KIAA2012: variants seen among roughly 807,000 people sequenced by gnomAD.
KIAA2012 encodes KIAA2012, also known as uncharacterized protein KIAA2012.
A neutral mutation model predicts 150.6 loss-of-function variants in KIAA2012; 125 were observed. The observed-to-expected ratio is 0.83, with a 90% CI of 0.72 to 0.96. The LOEUF is 0.96. KIAA2012 is among the 40% of genes least tolerant of loss of function. The pLI is 0.00. For synonymous variants in KIAA2012, 462 were observed against 504.7 expected, an observed-to-expected ratio of 0.92 and a Z score of 1.13; for missense variants, 1,219 against 1,354.9, an observed-to-expected ratio of 0.90 and a Z score of 1.57.
intron 12 of KIAA2012, among the ~76,000 whole-genome samples, chr2:202,131,288 C>T (rs1332565256): frequency 7.2e-5 from 11 of 151,950 alleles, no homozygotes; most frequent in African/African-American, 2.2e-4. Context: ...TACAGGCGCA[C>T]GCCACCACAC....
intron 7 of KIAA2012, among the ~76,000 whole-genome samples, 174 bp from the exon 8 acceptor site, chr2:202,102,772 C>G (rs1185427777): frequency 6.6e-6 from 1 of 152,162 alleles, no homozygotes; most frequent in Non-Finnish European, 1.5e-5. Context: ...TATGCTGGAT[C>G]CCAGGAGACC....
In KIAA2012 at chr2:202,184,754, C is replaced by A; in HGVS notation, c.2121C>A (p.Asp707Glu). Residue 707 changes from aspartate (D) to glutamate (E), a missense_variant and splice_region_variant, in exon 16 of 24, where the codon GAC (aspartate) becomes GAA (glutamate). Physicochemically the swap from Asp to Glu is conservative, Grantham distance 45. Coordinates refer to ENST00000498697, the MANE Select transcript of KIAA2012 (RefSeq NM_001277372.4). Reference protein sequence around the residue: ...PLRETHHNDQDPEPRSMTLDS... With the variant: ...PLRETHHNDQEPEPRSMTLDS... Reference sequence around the variant, plus strand: ...TTGATTGATACTCTGTTTTCACAGACCCAGAGCCAAGGAGTATGACCCTTG... The same window carrying A: ...TTGATTGATACTCTGTTTTCACAGAACCAGAGCCAAGGAGTATGACCCTTG... 6.5e-7 allele frequency: 1 copy of A among 1,535,808 alleles called. No homozygotes were observed. The highest frequency in any genetic ancestry group is 8.8e-7 in the Non-Finnish European group (1 of 1,142,376).
At chr2:202,182,446 T>G (rs1388647992) in intron 15 of KIAA2012, among the ~76,000 whole-genome samples, 2 of 152,142 alleles carry the variant, frequency 1.3e-5, no homozygotes, top group Non-Finnish European at 2.9e-5. Context: ...TTTCTTTCAC[T>G]CAACATAATT....
intron 11 of KIAA2012, among the ~76,000 whole-genome samples, chr2:202,118,362 T>C (rs2049195): frequency 0.77 from 116,992 of 152,112 alleles, 45,321 homozygotes; most frequent in South Asian, 0.82. Flanking sequence ...TTCCAGTGGG[T>C]GTTCCTGTAC....
At chr2:202,080,312 C>CTA (rs1689419271) in intron 2 of KIAA2012, among the ~76,000 whole-genome samples, 1 of 152,108 alleles carries the variant, frequency 6.6e-6, no homozygotes, top group Admixed American at 6.6e-5. Context: ...CTATAATAAG[C>CTA]TATATATATG....
At chr2:202,079,420 G>C (rs1334066154) in intron 2 of KIAA2012, among the ~76,000 whole-genome samples, 1 of 152,166 alleles carries the variant, frequency 6.6e-6, no homozygotes, top group East Asian at 1.9e-4. Context: ...TTCTTGGCTG[G>C]ACTGTGAATC....
At chr2:202,112,092 C>T (rs1254278731) in intron 10 of KIAA2012, among the ~76,000 whole-genome samples, 1 of 152,030 alleles carries the variant, frequency 6.6e-6, no homozygotes, top group Non-Finnish European at 1.5e-5. Flanking sequence ...ATAATGAGCC[C>T]CTTTGAAAAC....
At chr2:202,161,366 A>C (rs1404505387) in intron 14 of KIAA2012, among the ~76,000 whole-genome samples, 1 of 152,152 alleles carries the variant, frequency 6.6e-6, no homozygotes, top group Admixed American at 6.5e-5. Context: ...GGTTTGCTTG[A>C]AATTCTTTAC....
chr2:202,201,082 A>G (rs1692513982), intron 22 of KIAA2012, among the ~76,000 whole-genome samples: 1 of 152,202 alleles, frequency 6.6e-6, no homozygotes, highest in African/African-American at 2.4e-5. Flanking sequence ...ACTAACAGCA[A>G]AGACCAGTAT....
chr2:202,120,050 C>T (rs2105933888), intron 11 of KIAA2012, among the ~76,000 whole-genome samples: 1 of 152,336 alleles, frequency 6.6e-6, no homozygotes, highest in African/African-American at 2.4e-5. Flanking sequence ...TGACTTACTC[C>T]TCCTTGCCTT....
chr2:202,197,218 G>C, intron 22 of KIAA2012, 199 bp downstream of exon 22: 1 of 838,948 alleles, frequency 1.2e-6, no homozygotes, highest in Non-Finnish European at 1.8e-6. Context: ...AAGTTGTAAT[G>C]AATCTACAAG....
chr2:202,146,631 CAAAAAAAAA>C (rs34039489), intron 13 of KIAA2012, among the ~76,000 whole-genome samples: 6 of 76,524 alleles, frequency 7.8e-5, no homozygotes, highest in African/African-American at 3.3e-4. Context: ...GACTCCATCT[CAAAAAAAAA>C]AAAAAAAAAA....
At position 202,165,331 on chromosome 2, in the gene KIAA2012, C is replaced by T. The variant is rs959365612; in HGVS notation, c.2094C>T (p.Leu698=). ...ATCAGGAAGAAGCAGGGAGACCCCTCAGAGAAACTCACCACAACGACCAAG... is the reference window on the plus strand; with the variant it reads ...ATCAGGAAGAAGCAGGGAGACCCCTTAGAGAAACTCACCACAACGACCAAG... ...LDYQEEAGRP[L]RETHHNDQDP... is the part of the protein sequence containing the mutation. The change falls in exon 15 of 24, where the codon CTC becomes CTT. Residue 698 remains leucine (L), a synonymous_variant. Transcript: ENST00000498697. 3 of 1,550,278 alleles carry T rather than the reference C, an allele frequency of 1.9e-6. No homozygotes were observed. The African/African-American group carries it at 4.1e-5, about 21-fold the overall frequency.
At chr2:202,165,452 T>G in intron 15 of KIAA2012, 96 bp downstream of exon 15, 220 of 1,240,692 alleles carry the variant, frequency 1.8e-4, no homozygotes, top group Non-Finnish European at 2.3e-4. Flanking sequence ...CCAGGCACGG[T>G]GGCTCACGCC....
chr2:202,112,253 C>T (rs1000568749), intron 10 of KIAA2012, among the ~76,000 whole-genome samples: 3 of 152,016 alleles, frequency 2.0e-5, no homozygotes, highest in Admixed American at 6.6e-5. Context: ...GGAGATCAAG[C>T]TCTTTATTAG....
chr2:202,191,445 C>T (rs1692326491), intron 19 of KIAA2012, among the ~76,000 whole-genome samples: 1 of 151,356 alleles, frequency 6.6e-6, no homozygotes, highest in African/African-American at 2.4e-5. Flanking sequence ...TTTGGGAGGC[C>T]AAGGCAGGAG....
rs888679698 is a variant in KIAA2012, at chr2:202,097,522, C to T, written c.773C>T (p.Thr258Ile). 2 of 1,550,168 alleles carry T rather than the reference C, an allele frequency of 1.3e-6. No individual in the cohort carries two copies. The highest frequency in any genetic ancestry group is 2.7e-5 in the African/African-American group (2 of 72,910). The change falls in exon 5 of 24, where the codon ACT (threonine) becomes ATT (isoleucine). Residue 258 changes from threonine (T) to isoleucine (I), a missense_variant. Physicochemically the swap from Thr to Ile is moderately conservative, Grantham distance 89 (BLOSUM62 -1). Transcript: ENST00000498697. ...PLAKNHGSQG[T>I]RLPPRRKQPW... ...GCCAAGAACCATGGCAGTCAGGGGA[C>T]TCGCTTGCCACCACGCAGGAAGCAG...
At chr2:202,135,857 G>C in intron 12 of KIAA2012, 1 of 175,640 alleles carries the variant, frequency 5.7e-6, no homozygotes, top group Non-Finnish European at 1.2e-5. Flanking sequence ...GTGTGATGTG[G>C]AGGGGAAAGT....
chr2:202,087,427 C>A (rs977882847), intron 2 of KIAA2012, among the ~76,000 whole-genome samples: 5 of 136,412 alleles, frequency 3.7e-5, no homozygotes, highest in African/African-American at 1.1e-4. Context: ...GCAGGAGAAT[C>A]GTTTGAACCC....
Sources: allele counts gnomAD v4.1 joint callset (sites outside exome capture counted in the v4.1 genomes callset), GRCh38; gene constraint gnomAD v4.1.1; transcripts MANE v1.5; gene names NCBI Gene and HGNC (gene_info 2026-07-23, HGNC 2026-07-21).